The following ZNF827 variants were observed in gnomAD, a reference collection of about 807,000 sequenced individuals.
ZNF827 encodes zinc finger protein 827.
In ZNF827, 13 loss-of-function variants were observed where a neutral mutation model predicts 102.4. The ratio of observed to expected loss-of-function variants is 0.13; its 90% CI spans 0.08 to 0.20. ZNF827 has a LOEUF of 0.20. Among genes scored for constraint, ZNF827 ranks in the 10% least tolerant of loss-of-function variants. ZNF827 has a pLI of 1.00. For synonymous variants in ZNF827, 523 were observed against 536.2 expected, an observed-to-expected ratio of 0.98 and a Z score of 0.34; for missense variants, 1,103 against 1,344.4, an observed-to-expected ratio of 0.82 and a Z score of 2.81.
At chr4:145,898,332 G>A (rs1360770299) in intron 2 of ZNF827, among the ~76,000 whole-genome samples, 1 of 152,112 alleles carries the variant, frequency 6.6e-6, no homozygotes, top group Non-Finnish European at 1.5e-5. Flanking sequence ...TTAGTTCTCA[G>A]CTGTATGAGA....
In ZNF827 at chr4:145,885,999, C is replaced by T; in HGVS notation, c.1426G>A (p.Gly476Arg). 1.2e-6 allele frequency: 2 copies of T among 1,614,146 alleles called. No individual in the cohort carries two copies. The highest frequency in any genetic ancestry group is 1.7e-6 in the Non-Finnish European group (2 of 1,180,020). ...GCACTGTCACTGAGGTGGGGAGATC[C>T]CTTGACATCTGGGTCTGGGATCTCC... ...KEEIPDPDVK[G>R]SPHLSDSACL... The change falls in exon 4 of 15, where the codon GGA becomes AGA. Residue 476 changes from glycine to arginine, a missense_variant. By Grantham distance (125) the Gly-to-Arg change is moderately radical. Around this residue, in one of 5 missense-constraint regions of ZNF827, gnomAD observed 157 missense variants for 211.7 expected, o/e 0.74. Coordinates refer to ENST00000508784, the MANE Select transcript of ZNF827 (RefSeq NM_001306215.2).
intron 5 of ZNF827, among the ~76,000 whole-genome samples, chr4:145,852,705 C>T (rs1746657695): frequency 6.6e-6 from 1 of 152,146 alleles, no homozygotes; most frequent in Admixed American, 6.5e-5. Flanking sequence ...TTAGCAACAT[C>T]CTTGGTCTCT....
Position 145,759,284 on chromosome 4 carries a change from CTTTTTTCT to C in ZNF827, c.*2324_*2331del, listed in dbSNP as rs1400340450. Reference sequence around the variant, plus strand: ...ACATATTCAGCCAAAGATTTTTTTCCTTTTTTCTTTTTAAATCACCCATTACTTTTTAA... The same window carrying C: ...ACATATTCAGCCAAAGATTTTTTTCCTTTTAAATCACCCATTACTTTTTAA... On this transcript the variant is annotated 3_prime_UTR_variant, in exon 15 of 15. Transcript: ENST00000508784. 6 of 151,882 alleles carry C rather than the reference CTTTTTTCT, an allele frequency of 4.0e-5. 1 individual carries two copies. The highest frequency in any genetic ancestry group is 2.0e-4 in the Admixed American group (3 of 15,250). 9.4% of individuals were successfully genotyped at this position (151,882 alleles called of 1,614,324 possible).
At position 145,849,554 on chromosome 4, in the gene ZNF827, G is replaced by C; in HGVS notation, c.1989C>G (p.Ser663Arg). 2.5e-6 allele frequency: 4 copies of C among 1,613,936 alleles called. No homozygotes were observed. Among genetic ancestry groups the C allele is most frequent in the Non-Finnish European group, 3.4e-6 (4 of 1,179,856 alleles). ...SELLMKLSAESYKETQMVKIK... is the reference protein window; with the variant it reads ...SELLMKLSAERYKETQMVKIK... ...TCTTCACCATCTGTGTTTCCTTGTA[G>C]CTTTCCGCTGCAAGTAGGTGAATGA... Residue 663 changes from serine to arginine, a missense_variant, in exon 6 of 15, where the codon AGC (serine) becomes AGG (arginine). Transcript: ENST00000508784.
At chr4:145,797,876 T>C (rs1222943891) in intron 8 of ZNF827, among the ~76,000 whole-genome samples, 2 of 152,204 alleles carry the variant, frequency 1.3e-5, no homozygotes, top group Admixed American at 1.3e-4. Context: ...CTAGAAAATA[T>C]TTTGGCCCAA....
Position 145,760,737 on chromosome 4 carries a change from T to C in ZNF827, c.*879A>G. Reference sequence around the variant, plus strand: ...GTTTTGTGGTTTTTTTTTTTTTTTTTGTCTTTTGTCTCTCTGTTTTTGGTA... The same window carrying C: ...GTTTTGTGGTTTTTTTTTTTTTTTTCGTCTTTTGTCTCTCTGTTTTTGGTA... On this transcript the variant is annotated 3_prime_UTR_variant, in exon 15 of 15. Coordinates refer to ENST00000508784, the MANE Select transcript of ZNF827 (RefSeq NM_001306215.2). The C allele has an allele frequency of 1.2e-6, 1 of 814,722 alleles. No homozygotes were observed. The highest frequency in any genetic ancestry group is 1.4e-6 in the Non-Finnish European group (1 of 689,984). 50.5% of individuals were successfully genotyped at this position (814,722 alleles called of 1,614,324 possible).
chr4:145,803,338 T>C (rs1332197171), intron 8 of ZNF827, among the ~76,000 whole-genome samples: 1 of 152,158 alleles, frequency 6.6e-6, no homozygotes, highest in East Asian at 1.9e-4. Context: ...AGATTTAAAA[T>C]TCCTTCTTTA....
Position 145,872,239 on chromosome 4 carries a change from G to A in ZNF827, c.1748-1761C>T, listed in dbSNP as rs28743058. Among the ~76,000 whole-genome samples the A allele has an allele frequency of 9.8e-3, 1,487 of 152,286 alleles. 22 individuals carry two copies. The highest frequency in any genetic ancestry group is 0.033 in the African/African-American group (1,358 of 41,550). On this transcript the variant is annotated intron_variant, in intron 4 of 14. Transcript: ENST00000508784. Reference sequence around the variant, plus strand: ...TACCTGGAGGTAGGACCTCGAAGGAGGTAATTAAGGTTAAATGAGGTCATA... The same window carrying A: ...TACCTGGAGGTAGGACCTCGAAGGAAGTAATTAAGGTTAAATGAGGTCATA...
At position 145,836,109 on chromosome 4, in the gene ZNF827, C is replaced by T. The variant is rs529714193; in HGVS notation, c.2279+9847G>A. On this transcript the variant is annotated intron_variant, in intron 7 of 14. Transcript: ENST00000508784. Reference sequence around the variant, plus strand: ...CAGCAAATTACCTAGGCTGTACTGCCGCAAAGCTTCACAGACAGCCCCCGT... The same window carrying T: ...CAGCAAATTACCTAGGCTGTACTGCTGCAAAGCTTCACAGACAGCCCCCGT... Among the ~76,000 whole-genome samples, 508 of 152,108 alleles carry T rather than the reference C, an allele frequency of 3.3e-3. 1 individual carries two copies. Among genetic ancestry groups the T allele is most frequent in the African/African-American group, 0.011 (461 of 41,490 alleles).
chr4:145,858,305 C>CT (rs955311961), intron 5 of ZNF827, among the ~76,000 whole-genome samples: 1 of 151,946 alleles, frequency 6.6e-6, no homozygotes, highest in Non-Finnish European at 1.5e-5. Flanking sequence ...TAAAGTCAGC[C>CT]TAGAAATCCC....
In ZNF827 at chr4:145,852,696, T is replaced by A. The variant is rs186060556; in HGVS notation, c.1982-3135A>T. Reference sequence around the variant, plus strand: ...ACTATATTGCACATTGCAGGATGTTTAGCAACATCCTTGGTCTCTCTACCC... The same window carrying A: ...ACTATATTGCACATTGCAGGATGTTAAGCAACATCCTTGGTCTCTCTACCC... On this transcript the variant is annotated intron_variant, in intron 5 of 14. Transcript: ENST00000508784. Among the ~76,000 whole-genome samples the A allele has an allele frequency of 3.3e-5, 5 of 152,306 alleles. No individual in the cohort carries two copies. In the East Asian group the frequency reaches 9.6e-4, roughly 29 times the overall value.
intron 3 of ZNF827, among the ~76,000 whole-genome samples, chr4:145,890,123 A>G (rs1232692608): frequency 6.6e-6 from 1 of 152,230 alleles, no homozygotes; most frequent in African/African-American, 2.4e-5. Flanking sequence ...AAGTATTTTA[A>G]CCAAATAAAA....
At chr4:145,785,248 T>C (rs983362600) in intron 8 of ZNF827, among the ~76,000 whole-genome samples, 1 of 152,134 alleles carries the variant, frequency 6.6e-6, no homozygotes, top group African/African-American at 2.4e-5. Context: ...TGAGGACTAG[T>C]TGGCCAAAAT....
intron 8 of ZNF827, among the ~76,000 whole-genome samples, chr4:145,779,985 G>A (rs1199986946): frequency 6.6e-6 from 1 of 152,204 alleles, no homozygotes; most frequent in Non-Finnish European, 1.5e-5. Context: ...GAGCTCAGAA[G>A]TTCAAGACCA....
intron 6 of ZNF827, among the ~76,000 whole-genome samples, chr4:145,848,304 C>G (rs1746179981): frequency 6.6e-6 from 1 of 152,196 alleles, no homozygotes; most frequent in African/African-American, 2.4e-5. Flanking sequence ...GTTTGAGGAC[C>G]TGGAGGCCAC....
intron 7 of ZNF827, among the ~76,000 whole-genome samples, chr4:145,833,415 A>G (rs1579316821): frequency 6.6e-6 from 1 of 152,146 alleles, no homozygotes; most frequent in Non-Finnish European, 1.5e-5. Context: ...CACGTTTCAA[A>G]GGTGTCAGAC....
intron 7 of ZNF827, among the ~76,000 whole-genome samples, chr4:145,835,813 A>G (rs1300034871): frequency 6.7e-6 from 1 of 148,318 alleles, no homozygotes; most frequent in Non-Finnish European, 1.5e-5. Flanking sequence ...TTTAAAGACT[A>G]TAAACTCTCC....
At position 145,902,331 on chromosome 4, in the gene ZNF827, G is replaced by A; in HGVS notation, c.928C>T (p.Leu310=). 1.9e-6 allele frequency: 3 copies of A among 1,604,378 alleles called. No individual in the cohort carries two copies. Among genetic ancestry groups the A allele is most frequent in the East Asian group, 2.2e-5 (1 of 44,742 alleles). Residue 310 remains leucine (L), a synonymous_variant, in exon 2 of 15, where the codon CTG becomes TTG. Coordinates refer to ENST00000508784, the MANE Select transcript of ZNF827 (RefSeq NM_001306215.2). The surrounding 1 kb of genome is among the most constrained non-coding windows in gnomAD (Gnocchi z 4.3). ...GSLLAEKSSL[L]PEDPLPPPPS... The stretch of plus-strand genomic sequence containing the variant: ...GGGGGCGGTAGAGGGTCCTCAGGCA[G>A]CAGCGATGATTTCTCAGCCAGAAGA...
chr4:145,824,292 G>A (rs779998883), intron 7 of ZNF827, among the ~76,000 whole-genome samples: 2 of 152,082 alleles, frequency 1.3e-5, no homozygotes, highest in East Asian at 1.9e-4. Context: ...TCGGTCACAG[G>A]GTCCATCTTC....
Sources: gnomAD v4.1 joint callset for allele counts (sites outside exome capture counted in the v4.1 genomes callset) on GRCh38, gnomAD v4.1.1 for gene constraint, gnomAD v4.1.1 regional missense constraint, Gnocchi (gnomAD v3.1) non-coding constraint, MANE v1.5 for transcripts, NCBI Gene and HGNC (gene_info 2026-07-23, HGNC 2026-07-21) for gene names.